DNAH10: variants seen among roughly 807,000 people sequenced by gnomAD.
DNAH10 encodes the protein dynein axonemal heavy chain 10, also known as axonemal beta dynein heavy chain 10.
Under a neutral mutation model 506.6 loss-of-function variants are expected in DNAH10, and 348 were observed. The observed-to-expected ratio is 0.69, with a 90% CI of 0.63 to 0.75. The LOEUF (loss-of-function observed/expected upper bound fraction) is 0.75, where lower values mean the gene tolerates loss of function less well. Ranked by LOEUF, DNAH10 falls within the 30% of genes least tolerant of loss-of-function variation. The probability of loss-of-function intolerance (pLI) is 0.00; values close to 1 mark genes in which losing one functional copy is unlikely to be tolerated. For synonymous variants in DNAH10, 2,059 were observed against 2,198.6 expected, an observed-to-expected ratio of 0.94 and a Z score of 1.78; for missense variants, 5,179 against 5,787.1, an observed-to-expected ratio of 0.89 and a Z score of 3.41.
intron 46 of DNAH10, among the ~76,000 whole-genome samples, chr12:123,874,676 A>G (rs961396246): frequency 8.6e-5 from 13 of 151,942 alleles, no homozygotes; most frequent in African/African-American, 3.1e-4. Flanking sequence ...TTATCAATGT[A>G]TGAATTAATT....
In DNAH10 at chr12:123,767,707, G is replaced by T. The variant is rs766149394; in HGVS notation, c.298+18G>T. 16 of 1,603,342 alleles carry T rather than the reference G, an allele frequency of 1.0e-5. No homozygotes were observed. In the East Asian group the frequency reaches 2.5e-4, roughly 25 times the overall value. On this transcript the variant is annotated intron_variant, in intron 2 of 78. Coordinates refer to ENST00000673944, the MANE Select transcript of DNAH10 (RefSeq NM_001372106.1). The stretch of plus-strand genomic sequence containing the variant: ...AGTGCGAGGTGTGGAGTTGGGAGGG[G>T]TCATGGGAGGGTGGAACTGAGAAAG...
chr12:123,920,553 T>C (rs1348709912), intron 65 of DNAH10, among the ~76,000 whole-genome samples: 1 of 152,244 alleles, frequency 6.6e-6, no homozygotes, highest in Non-Finnish European at 1.5e-5. Context: ...TGCTATAAAA[T>C]AGAAGGATTC....
At chr12:123,828,263 G>T (rs931496292) in intron 25 of DNAH10, among the ~76,000 whole-genome samples, 1 of 152,068 alleles carries the variant, frequency 6.6e-6, no homozygotes, top group Non-Finnish European at 1.5e-5. Context: ...TGACCCTGGG[G>T]AGGGACTGAG....
At chr12:123,858,186 A>G (rs1473457774) in intron 37 of DNAH10, among the ~76,000 whole-genome samples, 2 of 152,162 alleles carry the variant, frequency 1.3e-5, no homozygotes, top group Non-Finnish European at 2.9e-5. Context: ...CTTAAAAAAA[A>G]ATTAAATTAG....
At chr12:123,798,362 A>T (rs995035379) in intron 13 of DNAH10, among the ~76,000 whole-genome samples, 1 of 152,238 alleles carries the variant, frequency 6.6e-6, no homozygotes, top group African/African-American at 2.4e-5. Flanking sequence ...AAGTGGGGGC[A>T]GGTACCTCAC....
At chr12:123,837,228 C>T (rs2136568309) in intron 28 of DNAH10, among the ~76,000 whole-genome samples, 2 of 150,284 alleles carry the variant, frequency 1.3e-5, no homozygotes, top group African/African-American at 4.9e-5. Flanking sequence ...CCTGTAATCC[C>T]AGCTACTCGG....
chr12:123,879,167 T>C, intron 48 of DNAH10, 97 bp from the exon 49 acceptor site: 2 of 920,274 alleles, frequency 2.2e-6, no homozygotes, highest in Non-Finnish European at 1.5e-6. Context: ...GGGCCTTTAT[T>C]GCGCTCTGTG....
chr12:123,833,399 CT>C, intron 27 of DNAH10, 52 bp downstream of exon 27: 1 of 1,398,514 alleles, frequency 7.2e-7, no homozygotes, highest in Non-Finnish European at 9.9e-7. Flanking sequence ...ATAGCAGTGG[CT>C]TTTATATGAG....
chr12:123,773,559 A>C (rs1476591236), intron 4 of DNAH10, among the ~76,000 whole-genome samples: 1 of 152,188 alleles, frequency 6.6e-6, no homozygotes, highest in Non-Finnish European at 1.5e-5. Context: ...GGAGGCTGGG[A>C]AGTCCAAATC....
At chr12:123,930,945 G>T (rs747483064) in intron 73 of DNAH10, among the ~76,000 whole-genome samples, 11 of 152,126 alleles carry the variant, frequency 7.2e-5, no homozygotes, top group Non-Finnish European at 1.3e-4. Flanking sequence ...TTCTTTGGAA[G>T]GCCAAGAAGG....
chr12:123,780,230 G>T (rs527436116), intron 5 of DNAH10, among the ~76,000 whole-genome samples: 1 of 147,110 alleles, frequency 6.8e-6, no homozygotes, highest in African/African-American at 2.5e-5. Context: ...GCAGTGGTGC[G>T]ATCTCGGCTC....
Position 123,897,841 on chromosome 12 carries a change from G to A in DNAH10, c.9352G>A (p.Val3118Met), listed in dbSNP as rs754524758. ...VKHVVLVHQSVDHYSQQFLQK... is the reference protein window; with the variant it reads ...VKHVVLVHQSMDHYSQQFLQK... Reference sequence around the variant, plus strand: ...GCATGTTGTCTTGGTTCACCAATCCGTGGACCACTACAGCCAACAGTTTCT... The same window carrying A: ...GCATGTTGTCTTGGTTCACCAATCCATGGACCACTACAGCCAACAGTTTCT... The change falls in exon 55 of 79, where the codon GTG (valine) becomes ATG (methionine). Residue 3118 changes from valine (V) to methionine (M), a missense_variant. Around this residue, in one of 3 missense-constraint regions of DNAH10, gnomAD observed 4,844 missense variants for 5,430.5 expected, o/e 0.89. Coordinates refer to ENST00000673944, the MANE Select transcript of DNAH10 (RefSeq NM_001372106.1). 105 of 1,611,700 alleles carry A rather than the reference G, an allele frequency of 6.5e-5. No individual in the cohort carries two copies. The highest frequency in any genetic ancestry group is 8.4e-5 in the Admixed American group (5 of 59,492).
At chr12:123,812,479 C>T (rs1197862670) in intron 19 of DNAH10, among the ~76,000 whole-genome samples, 2 of 152,004 alleles carry the variant, frequency 1.3e-5, no homozygotes, top group Non-Finnish European at 2.9e-5. Context: ...AACAAACAAA[C>T]AAAAAACAGA....
chr12:123,867,271 G>A (rs939742355), intron 41 of DNAH10, among the ~76,000 whole-genome samples, 196 bp from the exon 42 acceptor site: 2 of 152,188 alleles, frequency 1.3e-5, no homozygotes, highest in African/African-American at 4.8e-5. Context: ...AACACTTCAT[G>A]ATGAGATGAA....
At position 123,804,908 on chromosome 12, in the gene DNAH10, C is replaced by G; in HGVS notation, c.2855C>G (p.Ala952Gly). 6.2e-7 allele frequency: 1 copy of G among 1,613,908 alleles called. No homozygotes were observed. The highest frequency in any genetic ancestry group is 8.5e-7 in the Non-Finnish European group (1 of 1,180,040). ...DVDHMVRWYLAIGPLLTKVEG... is the reference protein window; with the variant it reads ...DVDHMVRWYLGIGPLLTKVEG... ...GACCACATGGTCCGGTGGTATCTTGCCATTGGACCACTGCTGACCAAAGTT... is the reference window on the plus strand; with the variant it reads ...GACCACATGGTCCGGTGGTATCTTGGCATTGGACCACTGCTGACCAAAGTT... Residue 952 changes from alanine (A) to glycine (G), a missense_variant, in exon 18 of 79, where the codon GCC (alanine) becomes GGC (glycine). Around this residue, in one of 3 missense-constraint regions of DNAH10, gnomAD observed 4,844 missense variants for 5,430.5 expected, o/e 0.89. Transcript: ENST00000673944.
chr12:123,807,998 G>GGA (rs367812707), intron 18 of DNAH10, among the ~76,000 whole-genome samples: 700 of 144,508 alleles, frequency 4.8e-3, no homozygotes, highest in East Asian at 5.9e-3. Flanking sequence ...GGGAGAGAGA[G>GGA]ACGGGAGGAG....
intron 65 of DNAH10, chr12:123,923,558 A>C (rs1258407712): frequency 2.1e-6 from 1 of 466,328 alleles, no homozygotes; most frequent in Non-Finnish European, 3.7e-6. Flanking sequence ...GGAGCATGTC[A>C]CTACAGACTG....
At chr12:123,874,427 C>G (rs1265250120) in intron 46 of DNAH10, among the ~76,000 whole-genome samples, 1 of 152,104 alleles carries the variant, frequency 6.6e-6, no homozygotes, top group Non-Finnish European at 1.5e-5. Flanking sequence ...ATCCATCTGT[C>G]CATTCATTCA....
At chr12:123,790,787 G>A (rs1958050322) in intron 11 of DNAH10, among the ~76,000 whole-genome samples, 1 of 152,174 alleles carries the variant, frequency 6.6e-6, no homozygotes, top group Admixed American at 6.5e-5. Flanking sequence ...TACTTCAGTA[G>A]GCAAGAGGGT....
Sources: allele counts gnomAD v4.1 joint callset (sites outside exome capture counted in the v4.1 genomes callset), GRCh38; gene constraint gnomAD v4.1.1; regional missense constraint gnomAD v4.1.1; transcripts MANE v1.5; gene names NCBI Gene and HGNC (gene_info 2026-07-23, HGNC 2026-07-21).